CCDC68: variants seen among roughly 807,000 people sequenced by gnomAD.
CCDC68 encodes the protein coiled-coil domain-containing protein 68.
In CCDC68, 45 loss-of-function variants were observed where a neutral mutation model predicts 47.1. That is an observed-to-expected ratio of 0.96 (90% CI 0.75 to 1.23). The LOEUF is 1.23. Among genes scored for constraint, CCDC68 ranks in the 50% most tolerant of loss-of-function variants. CCDC68 has a pLI of 0.00. For missense variants in CCDC68, 353 were observed against 373.6 expected (o/e 0.94, Z 0.45); for synonymous variants, 131 against 129.5 (o/e 1.01, Z -0.08).
At chr18:54,937,680 CAGT>C in intron 5 of CCDC68, 1 of 278,010 alleles carries the variant, frequency 3.6e-6, no homozygotes, top group Non-Finnish European at 6.9e-6. Context: ...CAATGTTATG[CAGT>C]AGATTTCTAG....
At chr18:54,911,775 A>C (rs1914384457) in intron 10 of CCDC68, among the ~76,000 whole-genome samples, 1 of 152,216 alleles carries the variant, frequency 6.6e-6, no homozygotes, top group African/African-American at 2.4e-5. Flanking sequence ...GGTAAAAGCT[A>C]CTTAGGTTTT....
chr18:54,914,238 G>T lies in CCDC68; in HGVS notation c.873+3675C>A, dbSNP rs770558643. Among the ~76,000 whole-genome samples the T allele has an allele frequency of 1.3e-4, 20 of 152,164 alleles. 1 individual carries two copies. The highest frequency in any genetic ancestry group is 6.2e-4 in the South Asian group (3 of 4,828). On this transcript the variant is annotated intron_variant, in intron 10 of 11. Coordinates refer to ENST00000591504, the MANE Select transcript of CCDC68 (RefSeq NM_025214.3). ...ACTGCTGTGAAGGAAAGATTTATCTGTTGAAGAAAATAAATGTTGAGAACA... is the reference window on the plus strand; with the variant it reads ...ACTGCTGTGAAGGAAAGATTTATCTTTTGAAGAAAATAAATGTTGAGAACA...
At chr18:54,940,283 AGGCAGCTCAACATAGCCCAAACT>A (rs1435208785) in intron 4 of CCDC68, among the ~76,000 whole-genome samples, 3 of 152,358 alleles carry the variant, frequency 2.0e-5, no homozygotes, top group African/African-American at 7.2e-5. Flanking sequence ...GAGGTCTAAC[AGGCAGCTCAACATAGCCCAAACT>A]GAATTTTTTA....
chr18:54,907,027 T>C (rs548701302), intron 11 of CCDC68, among the ~76,000 whole-genome samples: 1 of 152,210 alleles, frequency 6.6e-6, no homozygotes, highest in Admixed American at 6.5e-5. Context: ...GAAAATAAGA[T>C]TCTTCCCTAG....
At chr18:54,910,996 C>T (rs2040750561) in intron 10 of CCDC68, among the ~76,000 whole-genome samples, 1 of 152,214 alleles carries the variant, frequency 6.6e-6, no homozygotes, top group South Asian at 2.1e-4. Flanking sequence ...CAGCTGTGCC[C>T]AGTAGGGGTG....
chr18:54,951,881 G>A (rs745876009), intron 1 of CCDC68, among the ~76,000 whole-genome samples: 21 of 152,130 alleles, frequency 1.4e-4, no homozygotes, highest in Non-Finnish European at 2.4e-4. Context: ...GGGAGGTCTT[G>A]GAAAATCATT....
At chr18:54,951,109 C>T (rs1001484516) in intron 1 of CCDC68, among the ~76,000 whole-genome samples, 7 of 150,910 alleles carry the variant, frequency 4.6e-5, no homozygotes, top group Admixed American at 2.0e-4. Flanking sequence ...GGGGTTTCAC[C>T]GTGTTAGCCA....
At chr18:54,937,254 C>A in intron 5 of CCDC68, 2 of 276,596 alleles carry the variant, frequency 7.2e-6, no homozygotes, top group Non-Finnish European at 1.4e-5. Flanking sequence ...CTCCATGGTG[C>A]TCTGTCAGCT....
intron 2 of CCDC68, among the ~76,000 whole-genome samples, chr18:54,944,020 G>T (rs2044480301): frequency 6.6e-6 from 1 of 151,958 alleles, no homozygotes; most frequent in Non-Finnish European, 1.5e-5. Context: ...GCTGGGCATG[G>T]TGCACATCTG....
chr18:54,936,457 C>T (rs973948029), intron 6 of CCDC68, among the ~76,000 whole-genome samples: 10 of 151,952 alleles, frequency 6.6e-5, no homozygotes, highest in Middle Eastern at 3.4e-3. Flanking sequence ...GACAAGGACA[C>T]CCAAATCCAG....
intron 11 of CCDC68, 47 bp downstream of exon 11, chr18:54,907,739 T>G (rs780641712): frequency 9.5e-7 from 1 of 1,051,228 alleles, no homozygotes; most frequent in African/African-American, 1.6e-5. Flanking sequence ...GTCTAACATG[T>G]TCAACATAGG....
rs1568162644 is a variant in CCDC68, at chr18:54,948,772, T to C, written c.-102-3295A>G. 2.0e-5 allele frequency among the ~76,000 whole-genome samples: 3 copies of C among 152,234 alleles called. No homozygotes were observed. The East Asian group carries it at 5.8e-4, about 29-fold the overall frequency. On this transcript the variant is annotated intron_variant, in intron 1 of 11. Transcript: ENST00000591504. ...AGAGGGAGTCTAAGGGAGGCTGTGA[T>C]GAGTGACGTGAAGAAAAGCTGATCA...
intron 8 of CCDC68, 62 bp from the exon 9 acceptor site, chr18:54,919,438 T>A (rs1432960344): frequency 1.5e-6 from 2 of 1,342,292 alleles, no homozygotes; most frequent in Non-Finnish European, 2.1e-6. Context: ...CCATAGCTCG[T>A]CCTTACTGCT....
chr18:54,920,591 T>C lies in CCDC68; in HGVS notation c.684-1215A>G, dbSNP rs546823497. ...AGTTATTAGTTTTCATTTTGTTTCA[T>C]ATAATGGACTAAAACATTGTTTCAG... On this transcript the variant is annotated intron_variant, in intron 8 of 11. Transcript: ENST00000591504. 1.8e-4 allele frequency among the ~76,000 whole-genome samples: 27 copies of C among 152,328 alleles called. No individual in the cohort carries two copies. The South Asian group carries it at 4.6e-3, about 26-fold the overall frequency.
At position 54,953,554 on chromosome 18, in the gene CCDC68, A is replaced by G. The variant is rs548634272; in HGVS notation, c.-103+5782T>C. Among the ~76,000 whole-genome samples, 365 of 151,186 alleles carry G rather than the reference A, an allele frequency of 2.4e-3. 5 individuals carry two copies. The highest frequency in any genetic ancestry group is 8.4e-3 in the African/African-American group (342 of 40,914). On this transcript the variant is annotated intron_variant, in intron 1 of 11. Transcript: ENST00000591504. ...CACACACACACATATATATATATAG[A>G]GAGAGAGAGATACATAGATAGAGAG...
chr18:54,920,552 A>G (rs1231509674), intron 8 of CCDC68, among the ~76,000 whole-genome samples: 1 of 152,170 alleles, frequency 6.6e-6, no homozygotes, highest in Non-Finnish European at 1.5e-5. Context: ...AGCATGTTCT[A>G]ATTAGAAAAA....
intron 8 of CCDC68, among the ~76,000 whole-genome samples, chr18:54,919,933 G>A (rs982288273): frequency 2.6e-5 from 4 of 151,582 alleles, no homozygotes; most frequent in African/African-American, 7.3e-5. Flanking sequence ...GGGAAACGGG[G>A]GGAAAAAAGG....
At position 54,938,050 on chromosome 18, in the gene CCDC68, A is replaced by T. The variant is rs144726528; in HGVS notation, c.252T>A (p.Ser84=). The change falls in exon 5 of 12, where the codon TCT becomes TCA. Residue 84 remains serine, a synonymous_variant. Transcript: ENST00000591504. ...QQGSDSEMDP[S]CCSLDLLMKK... ...TCATAAGCAAATCCAAACTGCAACA[A>T]GAAGGATCCATTTCAGAATCAGAGC... 1.9e-6 allele frequency: 3 copies of T among 1,613,832 alleles called. No homozygotes were observed. The African/African-American group carries it at 4.0e-5, about 22-fold the overall frequency.
chr18:54,951,058 G>A (rs900905162), intron 1 of CCDC68, among the ~76,000 whole-genome samples: 3 of 149,320 alleles, frequency 2.0e-5, no homozygotes, highest in Non-Finnish European at 3.0e-5. Flanking sequence ...ACAGGCGCCC[G>A]CTACCACGCC....
Sources: gnomAD v4.1 joint callset for allele counts (sites outside exome capture counted in the v4.1 genomes callset) on GRCh38, gnomAD v4.1.1 for gene constraint, MANE v1.5 for transcripts, NCBI Gene and HGNC (gene_info 2026-07-23, HGNC 2026-07-21) for gene names.